The following NAMPT variants were observed in gnomAD, a reference collection of about 807,000 sequenced individuals.
NAMPT encodes nicotinamide phosphoribosyltransferase, also known as NAmPRTase.
In NAMPT, 7 loss-of-function variants were observed where a neutral mutation model predicts 58.7. The ratio of observed to expected loss-of-function variants is 0.12; its 90% CI spans 0.07 to 0.22. NAMPT has a LOEUF of 0.22. NAMPT is among the 10% of genes least tolerant of loss of function. The probability of loss-of-function intolerance (pLI) is 1.00; values close to 1 mark genes in which losing one functional copy is unlikely to be tolerated. For synonymous variants in NAMPT, 145 were observed against 198.1 expected, an observed-to-expected ratio of 0.73 and a Z score of 2.25; for missense variants, 271 against 567.9, an observed-to-expected ratio of 0.48 and a Z score of 5.31.
chr7:106,251,706 CAA>C (rs1376506708), intron 10 of NAMPT, among the ~76,000 whole-genome samples: 1 of 152,030 alleles, frequency 6.6e-6, no homozygotes, highest in Non-Finnish European at 1.5e-5. Flanking sequence ...AAAACAGAAA[CAA>C]AGAAAAACAA....
chr7:106,263,407 A>T lies in NAMPT; in HGVS notation c.954T>A (p.Leu318=). ...LIIRPDSGNP[L]DTVLKVLEIL... The stretch of plus-strand genomic sequence containing the variant: ...GAAAATTTACCTTTAACACAGTGTC[A>T]AGAGGGTTTCCAGAATCAGGTCTGA... Residue 318 remains leucine, a synonymous_variant, in exon 7 of 11, where the codon CTT becomes CTA. Coordinates refer to ENST00000222553, the MANE Select transcript of NAMPT (RefSeq NM_005746.3). 16 of 1,599,074 alleles carry T rather than the reference A, an allele frequency of 1.0e-5. No homozygotes were observed. The highest frequency in any genetic ancestry group is 1.4e-5 in the Non-Finnish European group (16 of 1,166,912).
intron 1 of NAMPT, among the ~76,000 whole-genome samples, chr7:106,280,985 T>A (rs953333640): frequency 1.3e-5 from 2 of 151,392 alleles, no homozygotes; most frequent in Non-Finnish European, 2.9e-5. Flanking sequence ...TGTAGTTCTT[T>A]TAACATAACT....
chr7:106,264,360 T>A (rs1015783448), intron 6 of NAMPT, among the ~76,000 whole-genome samples: 2 of 152,088 alleles, frequency 1.3e-5, no homozygotes, highest in Non-Finnish European at 2.9e-5. Context: ...GTCCTTAATA[T>A]CAGTTCTTAC....
chr7:106,263,726 GAGA>G, intron 6 of NAMPT, 109 bp from the exon 7 acceptor site: 4 of 825,588 alleles, frequency 4.8e-6, no homozygotes, highest in Non-Finnish European at 8.0e-6. Context: ...CAACATCACA[GAGA>G]AGGTGAGTGA....
At chr7:106,256,408 C>A (rs1038891389) in intron 8 of NAMPT, among the ~76,000 whole-genome samples, 1 of 152,190 alleles carries the variant, frequency 6.6e-6, no homozygotes, top group African/African-American at 2.4e-5. Flanking sequence ...AGGAAGAAAA[C>A]AATTGTTGCA....
At chr7:106,278,295 T>C (rs1193104598) in intron 1 of NAMPT, among the ~76,000 whole-genome samples, 1 of 151,606 alleles carries the variant, frequency 6.6e-6, no homozygotes, top group Non-Finnish European at 1.5e-5. Context: ...AATGTGCTGT[T>C]TCCTTGCCAA....
At position 106,249,013 on chromosome 7, in the gene NAMPT, G is replaced by A. The variant is rs1258091259; in HGVS notation, c.*2070C>T. The A allele has an allele frequency of 1.3e-5, 2 of 151,952 alleles. No homozygotes were observed. Among genetic ancestry groups the A allele is most frequent in the South Asian group, 2.1e-4 (1 of 4,822 alleles). The allele number at this position is 151,952 out of a possible 1,614,324, so 9.4% of individuals were successfully genotyped here. On this transcript the variant is annotated 3_prime_UTR_variant, in exon 11 of 11. Transcript: ENST00000222553. ...GCTGCTGAAATTCACAGAACACAGAGAATACTGTCTGTACTATAATTTCAA... is the reference window on the plus strand; with the variant it reads ...GCTGCTGAAATTCACAGAACACAGAAAATACTGTCTGTACTATAATTTCAA...
chr7:106,278,999 G>C (rs1273191382), intron 1 of NAMPT, among the ~76,000 whole-genome samples: 1 of 152,142 alleles, frequency 6.6e-6, no homozygotes, highest in Non-Finnish European at 1.5e-5. Context: ...AGAAGACGAA[G>C]AGTCAAAAGC....
chr7:106,266,343 C>T (rs1424885571), intron 6 of NAMPT, among the ~76,000 whole-genome samples: 1 of 152,174 alleles, frequency 6.6e-6, no homozygotes, highest in African/African-American at 2.4e-5. Context: ...TCCTTGTCCT[C>T]CGTATCATGA....
intron 6 of NAMPT, 38 bp from the exon 7 acceptor site, chr7:106,263,655 G>T: frequency 6.8e-7 from 1 of 1,469,928 alleles, no homozygotes; most frequent in Non-Finnish European, 9.5e-7. Context: ...TACTTAGGCA[G>T]ACACTTGATC....
chr7:106,252,393 A>G (rs915314631), intron 10 of NAMPT, among the ~76,000 whole-genome samples: 2 of 152,172 alleles, frequency 1.3e-5, no homozygotes, highest in African/African-American at 4.8e-5. Context: ...TGTAAAAGTA[A>G]CATGTTATAA....
intron 3 of NAMPT, 51 bp downstream of exon 3, chr7:106,274,895 T>C: frequency 1.7e-6 from 2 of 1,203,026 alleles, no homozygotes; most frequent in Admixed American, 4.2e-5. Context: ...GCAAGAAGTT[T>C]TGAACTGAAA....
chr7:106,271,882 T>C (rs1175682541), intron 4 of NAMPT: 1 of 163,842 alleles, frequency 6.1e-6, no homozygotes, highest in Non-Finnish European at 1.4e-5. Flanking sequence ...AATCTATTAT[T>C]AAACTGTTCA....
intron 4 of NAMPT, among the ~76,000 whole-genome samples, chr7:106,270,970 C>T (rs1032449646): frequency 8.5e-5 from 13 of 152,200 alleles, no homozygotes; most frequent in African/African-American, 3.1e-4. Flanking sequence ...AACATCTGAC[C>T]ATTCTGCTTC....
At chr7:106,282,975 G>T (rs909030157) in intron 1 of NAMPT, among the ~76,000 whole-genome samples, 14 of 152,056 alleles carry the variant, frequency 9.2e-5, no homozygotes, top group Non-Finnish European at 1.9e-4. Context: ...TAGGTTATAA[G>T]GACCCCTAAA....
intron 4 of NAMPT, 106 bp from the exon 5 acceptor site, chr7:106,269,418 A>G (rs1056720186): frequency 3.8e-5 from 39 of 1,037,264 alleles, no homozygotes; most frequent in Admixed American, 2.7e-4. Flanking sequence ...CTGAACTTCC[A>G]TACTATTAAC....
chr7:106,259,896 TC>T (rs536260745), intron 8 of NAMPT, among the ~76,000 whole-genome samples: 1 of 150,874 alleles, frequency 6.6e-6, no homozygotes, highest in African/African-American at 2.5e-5. Context: ...TTTTTTTTTT[TC>T]CTGAGCAGTC....
At chr7:106,267,984 G>C (rs1030411066) in intron 6 of NAMPT, among the ~76,000 whole-genome samples, 1 of 150,444 alleles carries the variant, frequency 6.6e-6, no homozygotes, top group Non-Finnish European at 1.5e-5. Flanking sequence ...AAGCAGACAA[G>C]GAAGCGTAAA....
chr7:106,264,658 A>G (rs190829743), intron 6 of NAMPT, among the ~76,000 whole-genome samples: 2 of 152,094 alleles, frequency 1.3e-5, no homozygotes, highest in African/African-American at 4.8e-5. Context: ...TAATTTTAAA[A>G]GATCTCAAAC....
Sources: gnomAD v4.1 joint callset for allele counts (sites outside exome capture counted in the v4.1 genomes callset) on GRCh38, gnomAD v4.1.1 for gene constraint, MANE v1.5 for transcripts, NCBI Gene and HGNC (gene_info 2026-07-23, HGNC 2026-07-21) for gene names.